Variants in GRIK4 observed in about 807,000 individuals in gnomAD.
The protein encoded by GRIK4 is glutamate receptor ionotropic, kainate 4.
Under a neutral mutation model 104.9 loss-of-function variants are expected in GRIK4, and 40 were observed. The observed-to-expected ratio is 0.38, with a 90% CI of 0.30 to 0.50. The LOEUF (loss-of-function observed/expected upper bound fraction) is 0.50. Among genes scored for constraint, GRIK4 ranks in the 20% least tolerant of loss-of-function variants. The probability of loss-of-function intolerance (pLI) is 0.93; values close to 1 mark genes in which losing one functional copy is unlikely to be tolerated. For missense variants in GRIK4, 1,047 were observed against 1,308.1 expected (o/e 0.80, Z 3.08); for synonymous variants, 485 against 524.9 (o/e 0.92, Z 1.04).
intron 1 of GRIK4, among the ~76,000 whole-genome samples, chr11:120,589,451 A>G (rs1310708962): frequency 2.6e-5 from 4 of 152,172 alleles, no homozygotes; most frequent in Non-Finnish European, 2.9e-5. Flanking sequence ...TTGACTGAAG[A>G]TAAAGCTTGG....
Position 120,553,278 on chromosome 11 carries a change from A to G in GRIK4, c.-159+41391A>G, listed in dbSNP as rs116204949. 3.5e-3 allele frequency among the ~76,000 whole-genome samples: 538 copies of G among 152,282 alleles called. 9 individuals carry two copies. Among genetic ancestry groups the G allele is most frequent in the African/African-American group, 0.012 (489 of 41,548 alleles). ...GAGGGTCCAGGACAGGAGCCTTCTG[A>G]AGAGACAGGGGAACAGGAGGAAACC... On this transcript the variant is annotated intron_variant, in intron 1 of 20. Transcript: ENST00000527524.
At position 120,793,635 on chromosome 11, in the gene GRIK4, A is replaced by G. The variant is rs889664220; in HGVS notation, c.83-9058A>G. Among the ~76,000 whole-genome samples the G allele has an allele frequency of 2.6e-4, 39 of 149,538 alleles. 5 individuals carry two copies. The highest frequency in any genetic ancestry group is 2.4e-3 in the East Asian group (12 of 4,932). ...AGGGTGGTGTTAGGGGTCGGAGCCC[A>G]GCAATGGTTACAGGTGAAAGGTGAT... On this transcript the variant is annotated intron_variant, in intron 3 of 20. Coordinates refer to ENST00000527524, the MANE Select transcript of GRIK4 (RefSeq NM_014619.5).
intron 20 of GRIK4, 95 bp from the exon 21 acceptor site, chr11:120,985,809 A>G: frequency 9.2e-7 from 1 of 1,089,480 alleles, no homozygotes; most frequent in South Asian, 1.4e-5. Flanking sequence ...CGATTCTGTG[A>G]CCGCTGCCCC....
chr11:120,698,734 C>T (rs1950499184), intron 3 of GRIK4, among the ~76,000 whole-genome samples: 1 of 152,160 alleles, frequency 6.6e-6, no homozygotes, highest in Non-Finnish European at 1.5e-5. Context: ...CCCTGGAGTT[C>T]TGCCCCCATC....
chr11:120,734,861 A>G (rs1951194477), intron 3 of GRIK4, among the ~76,000 whole-genome samples: 1 of 152,186 alleles, frequency 6.6e-6, no homozygotes, highest in Admixed American at 6.5e-5. Flanking sequence ...TCAAATGCAA[A>G]AAGAACCTAG....
chr11:120,668,113 A>AGATG (rs1303891203), intron 3 of GRIK4, among the ~76,000 whole-genome samples: 2 of 144,696 alleles, frequency 1.4e-5, no homozygotes, highest in African/African-American at 5.1e-5. Flanking sequence ...ATAGATAGAT[A>AGATG]GATAGATAGA....
chr11:120,712,971 CT>C (rs1950765075), intron 3 of GRIK4, among the ~76,000 whole-genome samples: 1 of 152,196 alleles, frequency 6.6e-6, no homozygotes, highest in African/African-American at 2.4e-5. Context: ...ATGACAATAA[CT>C]GGTCACAGTT....
intron 1 of GRIK4, among the ~76,000 whole-genome samples, chr11:120,537,482 A>G (rs992995391): frequency 6.6e-6 from 1 of 152,146 alleles, no homozygotes; most frequent in Admixed American, 6.5e-5. Flanking sequence ...GGTGTGTGCA[A>G]ATGAGATCTC....
chr11:120,624,618 C>A (rs947351833), intron 1 of GRIK4, among the ~76,000 whole-genome samples: 1 of 152,174 alleles, frequency 6.6e-6, no homozygotes, highest in African/African-American at 2.4e-5. Flanking sequence ...CTGCAAGACA[C>A]AATTGCAAGA....
At chr11:120,762,205 T>G (rs1254498853) in intron 3 of GRIK4, among the ~76,000 whole-genome samples, 4 of 152,192 alleles carry the variant, frequency 2.6e-5, no homozygotes, top group African/African-American at 7.2e-5. Flanking sequence ...TTATAGCAAT[T>G]GTGAATGGGA....
chr11:120,924,013 G>A (rs74900111), intron 13 of GRIK4, among the ~76,000 whole-genome samples: 3,567 of 152,214 alleles, frequency 0.023, 137 homozygotes, highest in African/African-American at 0.08. Context: ...CCTGGGGGGC[G>A]ATTACAGCTC....
chr11:120,601,997 G>A (rs1331950964), intron 1 of GRIK4, among the ~76,000 whole-genome samples: 1 of 152,052 alleles, frequency 6.6e-6, no homozygotes, highest in Non-Finnish European at 1.5e-5. Flanking sequence ...GATTGAAATG[G>A]AACCCTCACC....
At chr11:120,830,239 T>C (rs1396012067) in intron 6 of GRIK4, among the ~76,000 whole-genome samples, 1 of 150,684 alleles carries the variant, frequency 6.6e-6, no homozygotes, top group Non-Finnish European at 1.5e-5. Flanking sequence ...TTCCCTCTCC[T>C]AATCCCTGAG....
At chr11:120,756,676 A>T (rs545267360) in intron 3 of GRIK4, among the ~76,000 whole-genome samples, 13 of 152,278 alleles carry the variant, frequency 8.5e-5, no homozygotes, top group Middle Eastern at 3.4e-3. Flanking sequence ...TGGATCTTCC[A>T]TATTTTCCAT....
At chr11:120,828,027 C>T (rs1045673610) in intron 6 of GRIK4, among the ~76,000 whole-genome samples, 2 of 152,226 alleles carry the variant, frequency 1.3e-5, no homozygotes, top group African/African-American at 4.8e-5. Context: ...TTCTCTCCCT[C>T]TGGCCAGGCA....
intron 3 of GRIK4, among the ~76,000 whole-genome samples, chr11:120,696,541 G>A (rs568872581): frequency 3.0e-4 from 46 of 151,556 alleles, no homozygotes; most frequent in African/African-American, 1.1e-3. Flanking sequence ...CAAGGTGAGA[G>A]AGCTGGGGTT....
chr11:120,648,169 G>A (rs1049635045), intron 1 of GRIK4, among the ~76,000 whole-genome samples: 1 of 152,234 alleles, frequency 6.6e-6, no homozygotes, highest in Non-Finnish European at 1.5e-5. Flanking sequence ...ACCAGAGGGG[G>A]CTGAGCCTTC....
intron 1 of GRIK4, among the ~76,000 whole-genome samples, chr11:120,651,259 G>T (rs1022241358): frequency 6.6e-6 from 1 of 152,192 alleles, no homozygotes; most frequent in African/African-American, 2.4e-5. Flanking sequence ...TATACTTGAG[G>T]TCTCTTGAAG....
intron 3 of GRIK4, among the ~76,000 whole-genome samples, chr11:120,724,477 G>T (rs1241571928): frequency 6.6e-6 from 1 of 152,196 alleles, no homozygotes; most frequent in Admixed American, 6.5e-5. Flanking sequence ...TTGTCAGTTT[G>T]TTAGGTGAAC....
Sources: gnomAD v4.1 joint callset for allele counts (sites outside exome capture counted in the v4.1 genomes callset) on GRCh38, gnomAD v4.1.1 for gene constraint, MANE v1.5 for transcripts, NCBI Gene and HGNC (gene_info 2026-07-23, HGNC 2026-07-21) for gene names.